The following ADGRL2 variants were observed in gnomAD, a reference collection of about 807,000 sequenced individuals.
ADGRL2 encodes calcium-independent alpha-latrotoxin receptor 2.
A neutral mutation model predicts 157.4 loss-of-function variants in ADGRL2; 44 were observed. The ratio of observed to expected loss-of-function variants is 0.28; its 90% confidence interval spans 0.22 to 0.36. The LOEUF is 0.36. Among genes scored for constraint, ADGRL2 ranks in the 10% least tolerant of loss-of-function variants. The pLI, the probability that ADGRL2 is intolerant of heterozygous loss-of-function variation, is 1.00. For synonymous variants in ADGRL2, 585 were observed against 624.7 expected (o/e 0.94, Z 0.95); for missense variants, 1,510 against 1,768.9 (o/e 0.85, Z 2.63).
chr1:81,517,347 T>TGTA (rs2079201948), intron 2 of ADGRL2, among the ~76,000 whole-genome samples: 1 of 151,620 alleles, frequency 6.6e-6, no homozygotes, highest in African/African-American at 2.4e-5. Context: ...GGTGCACGCC[T>TGTA]GTAGTCTCAG....
chr1:81,711,061 T>C (rs1466480018), intron 1 of ADGRL2, among the ~76,000 whole-genome samples: 1 of 152,168 alleles, frequency 6.6e-6, no homozygotes, highest in Non-Finnish European at 1.5e-5. Flanking sequence ...GTCAGCATAT[T>C]TCATGAAACA....
intron 2 of ADGRL2, among the ~76,000 whole-genome samples, chr1:81,519,824 G>T (rs924881940): frequency 3.9e-5 from 6 of 152,122 alleles, no homozygotes; most frequent in African/African-American, 1.4e-4. Context: ...CCCTGATTTT[G>T]CTTGAGAAAA....
chr1:81,975,406 A>G (rs1167905885), intron 17 of ADGRL2, among the ~76,000 whole-genome samples: 1 of 152,120 alleles, frequency 6.6e-6, no homozygotes, highest in Non-Finnish European at 1.5e-5. Flanking sequence ...TGAAAAGAAA[A>G]AACAAAGAGC....
intron 6 of ADGRL2, among the ~76,000 whole-genome samples, chr1:81,945,847 C>T (rs997057640): frequency 3.4e-5 from 5 of 149,176 alleles, no homozygotes; most frequent in Non-Finnish European, 7.4e-5. Flanking sequence ...ATTTCTCTCA[C>T]TGCTGTTTGA....
chr1:81,418,372 A>G (rs566693121), intron 1 of ADGRL2, among the ~76,000 whole-genome samples: 2 of 152,366 alleles, frequency 1.3e-5, no homozygotes, highest in East Asian at 1.9e-4. Flanking sequence ...CATGTTTCCA[A>G]TTAGAACTCC....
At chr1:81,924,611 G>A (rs1488020232) in intron 3 of ADGRL2, among the ~76,000 whole-genome samples, 1 of 152,010 alleles carries the variant, frequency 6.6e-6, no homozygotes, top group Non-Finnish European at 1.5e-5. Flanking sequence ...TTAGTATATT[G>A]CACCTATATT....
At chr1:81,899,751 T>A (rs2094454975) in intron 2 of ADGRL2, among the ~76,000 whole-genome samples, 1 of 152,166 alleles carries the variant, frequency 6.6e-6, no homozygotes, top group Non-Finnish European at 1.5e-5. Context: ...AGACTGAAAA[T>A]ACGGCTTGGA....
chr1:81,539,686 G>C (rs946214287), intron 2 of ADGRL2, among the ~76,000 whole-genome samples: 2 of 151,954 alleles, frequency 1.3e-5, no homozygotes, highest in Non-Finnish European at 2.9e-5. Flanking sequence ...GACAACGTAA[G>C]GACTCTTACC....
At chr1:81,973,252 C>T (rs1659274942) in intron 17 of ADGRL2, among the ~76,000 whole-genome samples, 1 of 151,978 alleles carries the variant, frequency 6.6e-6, no homozygotes, top group Admixed American at 6.6e-5. Flanking sequence ...CTCAAGTATT[C>T]CTGGGAAAAC....
At chr1:81,359,444 G>A (rs1034536721) in intron 1 of ADGRL2, among the ~76,000 whole-genome samples, 1 of 151,926 alleles carries the variant, frequency 6.6e-6, no homozygotes, top group African/African-American at 2.4e-5. Flanking sequence ...GGAACAGGAG[G>A]CAAAACTACC....
intron 1 of ADGRL2, among the ~76,000 whole-genome samples, chr1:81,751,480 T>C (rs776082309): frequency 1.1e-4 from 16 of 152,170 alleles, no homozygotes; most frequent in Non-Finnish European, 1.9e-4. Flanking sequence ...ACAAGGAGCA[T>C]CTTACAAAAC....
At chr1:81,950,823 A>T (rs768347936) in intron 7 of ADGRL2, among the ~76,000 whole-genome samples, 195 bp from the exon 8 acceptor site, 2 of 152,174 alleles carry the variant, frequency 1.3e-5, no homozygotes, top group Non-Finnish European at 2.9e-5. Flanking sequence ...CTATAAATAT[A>T]TGATATTTCT....
chr1:81,868,489 A>T (rs1345758121), intron 2 of ADGRL2, among the ~76,000 whole-genome samples: 3 of 152,044 alleles, frequency 2.0e-5, no homozygotes, highest in Admixed American at 6.6e-5. Flanking sequence ...CTTGCCATGG[A>T]GCTACCCTTC....
intron 1 of ADGRL2, among the ~76,000 whole-genome samples, chr1:81,816,994 C>T (rs761960679): frequency 1.3e-5 from 2 of 149,674 alleles, no homozygotes; most frequent in Non-Finnish European, 3.0e-5. Context: ...TTAGGGGGTA[C>T]AAGCACAGCC....
intron 3 of ADGRL2, among the ~76,000 whole-genome samples, chr1:81,623,635 CTT>C (rs752595573): frequency 8.4e-5 from 10 of 118,926 alleles, no homozygotes; most frequent in South Asian, 2.7e-4. Flanking sequence ...TGATATCTTC[CTT>C]TTTTTTTTTT....
rs1016774244 is a variant in ADGRL2 at position 81,992,739 on chromosome 1, A to AT, written c.*1599dup. Among the ~76,000 whole-genome samples the AT allele has an allele frequency of 1.3e-5, 2 of 151,990 alleles. No homozygotes were observed. The highest frequency in any genetic ancestry group is 2.9e-5 in the Non-Finnish European group (2 of 68,000). ...GGGTATCATAAAAAGTTTTTAACTGATTTTTCAGCAGTATTGGGAAGTTTC... is the reference window on the plus strand; with the variant it reads ...GGGTATCATAAAAAGTTTTTAACTGATTTTTTCAGCAGTATTGGGAAGTTTC... On this transcript the variant is annotated 3_prime_UTR_variant, in exon 24 of 24. Transcript: ENST00000686636.
intron 3 of ADGRL2, among the ~76,000 whole-genome samples, chr1:81,622,120 T>C (rs536203700): frequency 6.6e-6 from 1 of 152,312 alleles, no homozygotes; most frequent in Non-Finnish European, 1.5e-5. Flanking sequence ...ATAACTTTTT[T>C]TCTCATCATT....
chr1:81,847,005 T>C (rs901538301), intron 2 of ADGRL2, among the ~76,000 whole-genome samples: 2 of 150,044 alleles, frequency 1.3e-5, no homozygotes, highest in African/African-American at 4.9e-5. Context: ...TTTTTTACAG[T>C]TTTCTTGTTT....
rs532646306 is a variant in ADGRL2, at chr1:81,397,421, G to A, written c.-301-47615G>A. On this transcript the variant is annotated intron_variant, in intron 1 of 24. Coordinates refer to the ADGRL2 transcript ENST00000370721. Reference sequence around the variant, plus strand: ...CTGCAACTCCGCCTCCCGGGTTCACGCCATTCTCCTGCCTCAGCCTCCCAA... The same window carrying A: ...CTGCAACTCCGCCTCCCGGGTTCACACCATTCTCCTGCCTCAGCCTCCCAA... Among the ~76,000 whole-genome samples the A allele has an allele frequency of 6.9e-3, 948 of 136,542 alleles. 12 individuals are homozygous for A. The highest frequency in any genetic ancestry group is 0.024 in the African/African-American group (892 of 36,842). The allele number at this position is 136,542 out of a possible 152,430, so 89.6% of individuals were successfully genotyped here. A position where few individuals can be genotyped will look rare whatever the true frequency, so the allele number is the denominator to read the frequency against.
Sources: allele counts gnomAD v4.1 joint callset (sites outside exome capture counted in the v4.1 genomes callset), GRCh38; gene constraint gnomAD v4.1.1; transcripts MANE v1.5; gene names NCBI Gene and HGNC (gene_info 2026-07-23, HGNC 2026-07-21).